CCDC7: variants seen among roughly 807,000 people sequenced by gnomAD.
CCDC7 encodes coiled-coil domain containing 7, also known as coiled-coil domain-containing protein 7.
CCDC7 carries 183 observed loss-of-function variants against 196.9 expected under a neutral mutation model. The observed-to-expected ratio is 0.93, with a 90% CI of 0.82 to 1.05. CCDC7 has a LOEUF of 1.05. Among genes scored for constraint, CCDC7 ranks in the 50% least tolerant of loss-of-function variants. The pLI is 0.00. For missense variants in CCDC7, 1,540 were observed against 1,482.2 expected (o/e 1.04, Z -0.64); for synonymous variants, 525 against 484.6 (o/e 1.08, Z -1.10).
intron 24 of CCDC7, among the ~76,000 whole-genome samples, chr10:32,699,913 C>T (rs1367482866): frequency 6.7e-6 from 1 of 149,170 alleles, no homozygotes; most frequent in Non-Finnish European, 1.5e-5. Context: ...TTGTTTTTTT[C>T]TTGTAAATTT....
intron 28 of CCDC7, among the ~76,000 whole-genome samples, chr10:32,773,094 C>T (rs965086711): frequency 4.6e-5 from 7 of 152,154 alleles, no homozygotes; most frequent in Non-Finnish European, 1.0e-4. Flanking sequence ...TTTTCTCTTG[C>T]TACTTTTAAT....
chr10:32,451,219 T>A (rs1300169186), upstream of CCDC7, among the ~76,000 whole-genome samples: 1 of 152,180 alleles, frequency 6.6e-6, no homozygotes. Flanking sequence ...AATTTAACAC[T>A]TACTAGCTGT....
At position 32,828,189 on chromosome 10, in the gene CCDC7, CCTGCCTTTTTTTAT is replaced by C. The variant is rs1485827088; in HGVS notation, c.3268+3589_3268+3602del. ...GGAAGCCCAAGCCCCTTTAAGATGC[CCTGCCTTTTTTTAT>C]CTGAACCAAAGTATACCTTCCATGT... On this transcript the variant is annotated intron_variant, in intron 32 of 41. Transcript: ENST00000639629. Among the ~76,000 whole-genome samples the C allele has an allele frequency of 3.9e-5, 6 of 152,090 alleles. No homozygotes were observed. The South Asian group carries it at 6.2e-4, about 16-fold the overall frequency.
chr10:32,622,958 A>G (rs539638630), intron 18 of CCDC7, among the ~76,000 whole-genome samples: 2 of 152,332 alleles, frequency 1.3e-5, no homozygotes, highest in South Asian at 2.1e-4. Context: ...GTAATTCACT[A>G]CATTAACAGA....
At chr10:32,844,830 A>G (rs376431922) in intron 33 of CCDC7, among the ~76,000 whole-genome samples, 5 of 151,976 alleles carry the variant, frequency 3.3e-5, no homozygotes, top group Non-Finnish European at 5.9e-5. Flanking sequence ...GCAATAAGAC[A>G]TGTTGTGACT....
At chr10:32,824,992 T>C (rs1040387784) in intron 32 of CCDC7, among the ~76,000 whole-genome samples, 2 of 152,232 alleles carry the variant, frequency 1.3e-5, no homozygotes, top group African/African-American at 4.8e-5. Context: ...ACCCATTCCC[T>C]CTCATATCGT....
At chr10:32,624,279 C>T (rs2063729369) in intron 18 of CCDC7, among the ~76,000 whole-genome samples, 1 of 149,492 alleles carries the variant, frequency 6.7e-6, no homozygotes, top group Non-Finnish European at 1.5e-5. Flanking sequence ...ATCTTGATCA[C>T]ATAGCAGCCA....
intron 29 of CCDC7, among the ~76,000 whole-genome samples, chr10:32,798,479 G>T (rs752242153): frequency 6.6e-6 from 1 of 152,202 alleles, no homozygotes; most frequent in Non-Finnish European, 1.5e-5. Flanking sequence ...CTCTCCACTT[G>T]ATTATTAAAG....
At chr10:32,683,948 A>G (rs1030814203) in intron 21 of CCDC7, among the ~76,000 whole-genome samples, 1 of 152,072 alleles carries the variant, frequency 6.6e-6, no homozygotes, top group Non-Finnish European at 1.5e-5. Context: ...ATAGCTTTTG[A>G]GCTCTATACT....
intron 18 of CCDC7, among the ~76,000 whole-genome samples, chr10:32,633,594 G>C (rs1251630666): frequency 2.6e-5 from 4 of 151,670 alleles, no homozygotes; most frequent in Admixed American, 1.3e-4. Flanking sequence ...CAAGTTACTT[G>C]AATTAATGCT....
intron 13 of CCDC7, among the ~76,000 whole-genome samples, chr10:32,548,188 C>T (rs544825281): frequency 1.3e-5 from 2 of 152,272 alleles, no homozygotes; most frequent in Admixed American, 1.3e-4. Context: ...GGTTCTTATT[C>T]CTGGTGCAGG....
At position 32,845,635 on chromosome 10, in the gene CCDC7, A is replaced by G; in HGVS notation, c.3520+9A>G. On this transcript the variant is annotated intron_variant, in intron 35 of 41. Coordinates refer to ENST00000639629, the Ensembl canonical transcript of CCDC7. ...ATTAAAAAGTCACCCAGGTAAGAGA[A>G]AACAATTTCAAGACTAATATTTATG... 6.3e-7 allele frequency: 1 copy of G among 1,593,430 alleles called. No homozygotes were observed. Among genetic ancestry groups the G allele is most frequent in the Non-Finnish European group, 8.6e-7 (1 of 1,162,980 alleles).
intron 9 of CCDC7, 97 bp from the exon 11 acceptor site, chr10:32,517,848 C>G (rs1290571713): frequency 7.2e-7 from 1 of 1,389,080 alleles, no homozygotes; most frequent in East Asian, 2.6e-5. Context: ...CAACTAATTA[C>G]TGAATACCAA....
intron 18 of CCDC7, among the ~76,000 whole-genome samples, chr10:32,629,553 G>A (rs2064538978): frequency 6.6e-6 from 1 of 152,078 alleles, no homozygotes; most frequent in Non-Finnish European, 1.5e-5. Context: ...GAGGAACCCA[G>A]GGAAGAATGT....
At chr10:32,862,276 T>C (rs2094021935) in intron 41 of CCDC7, among the ~76,000 whole-genome samples, 1 of 152,112 alleles carries the variant, frequency 6.6e-6, no homozygotes, top group Non-Finnish European at 1.5e-5. Context: ...GGGACATGGA[T>C]GATGCTGGAA....
chr10:32,471,373 T>G (rs2037915510), intron 6 of CCDC7, 143 bp downstream of exon 7: 3 of 1,002,364 alleles, frequency 3.0e-6, no homozygotes, highest in Non-Finnish European at 4.2e-6. Flanking sequence ...TTGTTTCTAT[T>G]TGCAATTTTA....
At chr10:32,446,646 GA>G (rs1249772087), upstream of CCDC7, 1 of 152,216 alleles carries the variant, frequency 6.6e-6, no homozygotes, top group Non-Finnish European at 1.5e-5. Flanking sequence ...GTTAATCCTT[GA>G]AGGATGAAAC....
intron 24 of CCDC7, among the ~76,000 whole-genome samples, chr10:32,709,464 T>C (rs1014245034): frequency 3.3e-5 from 5 of 151,726 alleles, no homozygotes; most frequent in African/African-American, 1.2e-4. Context: ...GAACTTAAAG[T>C]ATAATAAAAA....
chr10:32,836,858 A>C (rs1438444546), intron 33 of CCDC7, among the ~76,000 whole-genome samples: 6 of 152,118 alleles, frequency 3.9e-5, no homozygotes, highest in African/African-American at 1.4e-4. Flanking sequence ...TGCTGGGAAA[A>C]CTGGCTAGCC....
Sources: allele counts gnomAD v4.1 joint callset (sites outside exome capture counted in the v4.1 genomes callset), GRCh38; gene constraint gnomAD v4.1.1; transcripts MANE v1.5; gene names NCBI Gene and HGNC (gene_info 2026-07-23, HGNC 2026-07-21).